The following SKI variants were observed in gnomAD, a reference collection of about 807,000 sequenced individuals.
The protein encoded by SKI is ski oncogene.
In SKI, 23 loss-of-function variants were observed where a neutral mutation model predicts 59.3. The ratio of observed to expected loss-of-function variants is 0.39; its 90% CI spans 0.28 to 0.55. The LOEUF is 0.55. Among genes scored for constraint, SKI ranks in the 20% least tolerant of loss-of-function variants. SKI has a pLI of 0.67. For missense variants in SKI, 1,017 were observed against 1,038.9 expected, an observed-to-expected ratio of 0.98 and a Z score of 0.29; for synonymous variants, 673 against 488.6, an observed-to-expected ratio of 1.38 and a Z score of -4.98.
At chr1:2,250,739 G>A (rs145587603) in intron 1 of SKI, among the ~76,000 whole-genome samples, 2,004 of 152,358 alleles carry the variant, frequency 0.013, 34 homozygotes, top group African/African-American at 0.046. Flanking sequence ...ACGCTCTGCC[G>A]TGTCTGCCAC....
chr1:2,229,338 A>G lies in SKI; in HGVS notation c.572A>G (p.Tyr191Cys), dbSNP rs758199656. The change falls in exon 1 of 7, where the codon TAC becomes TGC. Residue 191 changes from tyrosine (Y) to cysteine (C), a missense_variant. Tyr to Cys is a radical substitution (Grantham distance 194). Coordinates refer to ENST00000378536, the MANE Select transcript of SKI (RefSeq NM_003036.4). The surrounding 1 kb of genome is among the most constrained non-coding windows in gnomAD (Gnocchi z 6.3). ...DAERLCNALLYGGAYPPPCKK... is the reference protein window; with the variant it reads ...DAERLCNALLCGGAYPPPCKK... ...GAGCGCCTGTGCAACGCGCTGCTCT[A>G]CGGCGGCGCCTACCCGCCGCCCTGC... 2.5e-6 allele frequency: 4 copies of G among 1,595,316 alleles called. No homozygotes were observed. Among genetic ancestry groups the G allele is most frequent in the Non-Finnish European group, 2.6e-6 (3 of 1,171,502 alleles).
At position 2,229,858 on chromosome 1, in the gene SKI, C is replaced by T. The variant is rs1638592572; in HGVS notation, c.969+123C>T. 3 of 1,498,798 alleles carry T rather than the reference C, an allele frequency of 2.0e-6. No individual in the cohort carries two copies. The highest frequency in any genetic ancestry group is 2.1e-5 in the Admixed American group (1 of 46,836). The allele number at this position is 1,498,798 out of a possible 1,614,324, so 92.8% of individuals were successfully genotyped here. A position where few individuals can be genotyped will look rare whatever the true frequency, so the allele number is the denominator to read the frequency against. On this transcript the variant is annotated intron_variant, in intron 1 of 6. Transcript: ENST00000378536. This position sits in a 1 kb window ranked among gnomAD's most constrained non-coding sequence, Gnocchi z 6.3. ...TTCTGCCGTGCCCCATGTCTCCAGT[C>T]TTCGCTTTGTTTTAGGGAAATTCAG...
At chr1:2,264,350 A>T (rs571764645) in intron 1 of SKI, among the ~76,000 whole-genome samples, 1 of 152,028 alleles carries the variant, frequency 6.6e-6, no homozygotes, top group Non-Finnish European at 1.5e-5. Context: ...GCTCACTGCA[A>T]CCTCTGCCTC....
intron 1 of SKI, among the ~76,000 whole-genome samples, chr1:2,237,080 GGGTTCTTGTGT>G (rs1301427386): frequency 3.3e-5 from 5 of 152,300 alleles, no homozygotes; most frequent in Non-Finnish European, 5.9e-5. Context: ...GGCACTAACT[GGGTTCTTGTGT>G]GGCCCTTCCC....
At chr1:2,248,574 C>T (rs935412799) in intron 1 of SKI, among the ~76,000 whole-genome samples, 4 of 152,108 alleles carry the variant, frequency 2.6e-5, no homozygotes, top group African/African-American at 4.8e-5. Context: ...GGACAGGCAG[C>T]CTTTGACCTG....
At chr1:2,286,953 C>CCAATGA (rs1186526406) in intron 1 of SKI, among the ~76,000 whole-genome samples, 1 of 152,208 alleles carries the variant, frequency 6.6e-6, no homozygotes, top group Non-Finnish European at 1.5e-5. Flanking sequence ...GTTCAGAATG[C>CCAATGA]CAATGATGGG....
rs914654949 is a variant in SKI, at chr1:2,268,108, C to T, written c.970-34870C>T. The stretch of plus-strand genomic sequence containing the variant: ...TGGTGCCCACCCCTGTGGTCAGATG[C>T]ATGGCGCCCGCAGCCCTGGCCCAGG... On this transcript the variant is annotated intron_variant, in intron 1 of 6. Coordinates refer to ENST00000378536, the MANE Select transcript of SKI (RefSeq NM_003036.4). This position sits in a 1 kb window ranked among gnomAD's most constrained non-coding sequence, Gnocchi z 5.0. Among the ~76,000 whole-genome samples the T allele has an allele frequency of 6.6e-6, 1 of 152,226 alleles. No homozygotes were observed. The highest frequency in any genetic ancestry group is 1.5e-5 in the Non-Finnish European group (1 of 68,030).
chr1:2,279,963 G>A (rs1180263681), intron 1 of SKI, among the ~76,000 whole-genome samples: 1 of 152,120 alleles, frequency 6.6e-6, no homozygotes, highest in African/African-American at 2.4e-5. Context: ...TTAAAACATG[G>A]GTTAAATTGG....
rs143561187 is a variant in SKI, at chr1:2,303,435, CG to C, written c.1211+40del. The stretch of plus-strand genomic sequence containing the variant: ...CGCCATTCACAGGTGTTTCTGATCA[CG>C]GGGGAGGCTCCACGAGGGCTGTGCA... On this transcript the variant is annotated intron_variant, in intron 3 of 6. Coordinates refer to ENST00000378536, the MANE Select transcript of SKI (RefSeq NM_003036.4). The surrounding 1 kb of genome is among the most constrained non-coding windows in gnomAD (Gnocchi z 5.6). 5,379 of 1,566,274 alleles carry C rather than the reference CG, an allele frequency of 3.4e-3. 154 individuals are homozygous for C. The African/African-American group carries it at 0.06, about 17-fold the overall frequency.
intron 1 of SKI, among the ~76,000 whole-genome samples, chr1:2,238,204 A>G (rs1465200849): frequency 6.6e-6 from 1 of 152,206 alleles, no homozygotes; most frequent in African/African-American, 2.4e-5. Flanking sequence ...TTCCTTAGGA[A>G]GCAGTTTGTC....
chr1:2,288,580 C>T (rs952336087), intron 1 of SKI, among the ~76,000 whole-genome samples: 9 of 152,192 alleles, frequency 5.9e-5, no homozygotes, highest in South Asian at 4.1e-4. Context: ...TGTTTGCATG[C>T]GCGTGAGACC....
intron 1 of SKI, among the ~76,000 whole-genome samples, chr1:2,245,566 C>A (rs1313640491): frequency 6.6e-6 from 1 of 151,422 alleles, no homozygotes; most frequent in African/African-American, 2.4e-5. Flanking sequence ...TCCACCTCCT[C>A]CTGGGCTCAA....
intron 1 of SKI, chr1:2,240,866 G>C: frequency 1.1e-6 from 1 of 916,018 alleles, no homozygotes; most frequent in Non-Finnish European, 1.3e-6. Context: ...ACAGCCCTTC[G>C]GCACTGCTGG....
In SKI at chr1:2,307,479, GCTC is replaced by G. The variant is rs1466228511; in HGVS notation, c.*718_*720del. On this transcript the variant is annotated 3_prime_UTR_variant, in exon 7 of 7. Transcript: ENST00000378536. ...CCCGGAGCTGAGGGGACGGTCTTCG[GCTC>G]CTCTGCACCCCGTGATTCTGCCCAC... The G allele has an allele frequency of 5.9e-5, 9 of 152,486 alleles. No homozygotes were observed. The highest frequency in any genetic ancestry group is 2.2e-4 in the African/African-American group (9 of 41,570). 9.4% of individuals were successfully genotyped at this position (152,486 alleles called of 1,614,324 possible).
Position 2,306,060 on chromosome 1 carries a change from G to GGGAGGCCAC in SKI, c.1817_1825dup (p.Thr606_Ala608dup). The GGGAGGCCAC allele has an allele frequency of 6.3e-7, 1 of 1,599,688 alleles. No individual in the cohort carries two copies. The highest frequency in any genetic ancestry group is 8.5e-7 in the Non-Finnish European group (1 of 1,174,792). ...CGCGTGGCCAAGAAGGAGAAGCTGC[G>GGGAGGCCAC]GGAGGCCACGGAGGCCAAGCGTAAC... On this transcript the variant is annotated inframe_insertion, in exon 6 of 7. Coordinates refer to ENST00000378536, the MANE Select transcript of SKI (RefSeq NM_003036.4).
At chr1:2,306,430 A>T (rs1640581578) in intron 6 of SKI, 147 bp from the exon 7 acceptor site, 1 of 995,238 alleles carries the variant, frequency 1.0e-6, no homozygotes, top group South Asian at 1.6e-5. Flanking sequence ...GCGTCTCGTG[A>T]GCCTGTGTCC....
intron 1 of SKI, among the ~76,000 whole-genome samples, chr1:2,293,611 G>C (rs771078883): frequency 6.6e-6 from 1 of 152,166 alleles, no homozygotes; most frequent in Admixed American, 6.5e-5. Context: ...GTATCTCCCT[G>C]GTGTTTGGGA....
At chr1:2,286,672 C>A (rs1413293707) in intron 1 of SKI, among the ~76,000 whole-genome samples, 2 of 152,248 alleles carry the variant, frequency 1.3e-5, no homozygotes, top group African/African-American at 4.8e-5. Flanking sequence ...GCTTAACTCA[C>A]CCATGTGGCC....
chr1:2,292,089 A>G (rs996500726), intron 1 of SKI, among the ~76,000 whole-genome samples: 2 of 152,198 alleles, frequency 1.3e-5, no homozygotes, highest in Admixed American at 1.3e-4. Context: ...ACGTGAGCCG[A>G]TTCTTGAGTG....
Sources: allele counts gnomAD v4.1 joint callset (sites outside exome capture counted in the v4.1 genomes callset), GRCh38; gene constraint gnomAD v4.1.1; non-coding constraint Gnocchi (gnomAD v3.1); transcripts MANE v1.5; gene names NCBI Gene and HGNC (gene_info 2026-07-23, HGNC 2026-07-21).